The following NRXN3 variants were observed in gnomAD, a reference collection of about 807,000 sequenced individuals.
The protein encoded by NRXN3 is neurexin 3.
Under a neutral mutation model 137.6 loss-of-function variants are expected in NRXN3, and 32 were observed. That is an observed-to-expected ratio of 0.23 (90% CI 0.18 to 0.31). NRXN3 has a LOEUF of 0.31. Ranked by LOEUF, NRXN3 falls within the 10% of genes least tolerant of loss-of-function variation. The pLI is 1.00. For synonymous variants in NRXN3, 798 were observed against 784.5 expected (o/e 1.02, Z -0.29); for missense variants, 1,574 against 2,062.5 (o/e 0.76, Z 4.59).
chr14:79,742,787 A>G (rs530892957), intron 19 of NRXN3, among the ~76,000 whole-genome samples: 71 of 152,326 alleles, frequency 4.7e-4, no homozygotes, highest in African/African-American at 1.6e-3. Flanking sequence ...TGAAGTTAGT[A>G]GATTATTAAA....
chr14:78,707,727 C>A (rs890894454), intron 6 of NRXN3, among the ~76,000 whole-genome samples: 1 of 152,144 alleles, frequency 6.6e-6, no homozygotes, highest in African/African-American at 2.4e-5. Context: ...CCCCTCAAGT[C>A]CCCAAAGTCC....
chr14:79,361,996 A>AATTATT (rs3036671), intron 15 of NRXN3, among the ~76,000 whole-genome samples: 46,639 of 141,790 alleles, frequency 0.33, 7,996 homozygotes, highest in Non-Finnish European at 0.37. Flanking sequence ...CTACTTTTAT[A>AATTATT]ATTATTATTA....
intron 15 of NRXN3, among the ~76,000 whole-genome samples, chr14:78,997,220 T>C (rs2153096633): frequency 6.6e-6 from 1 of 152,242 alleles, no homozygotes; most frequent in Admixed American, 6.5e-5. Flanking sequence ...CAAGAAAAAA[T>C]AGTCTCCATA....
At chr14:78,309,407 A>G (rs532765791) in intron 4 of NRXN3, among the ~76,000 whole-genome samples, 2 of 152,020 alleles carry the variant, frequency 1.3e-5, no homozygotes, top group East Asian at 3.9e-4. Flanking sequence ...GGTAATAAGC[A>G]TTGTACCCGA....
At chr14:79,764,854 G>A (rs1242216062) in intron 19 of NRXN3, among the ~76,000 whole-genome samples, 1 of 152,154 alleles carries the variant, frequency 6.6e-6, no homozygotes, top group East Asian at 1.9e-4. Flanking sequence ...TTACCCTAGT[G>A]CATCTGCTAA....
chr14:78,972,153 A>G (rs2099444061), intron 14 of NRXN3, among the ~76,000 whole-genome samples: 1 of 152,194 alleles, frequency 6.6e-6, no homozygotes, highest in Non-Finnish European at 1.5e-5. Context: ...TGGTAAATGT[A>G]TCTTCCTATA....
chr14:78,335,309 GTT>G (rs887821882), intron 4 of NRXN3, among the ~76,000 whole-genome samples: 2 of 152,154 alleles, frequency 1.3e-5, no homozygotes, highest in Non-Finnish European at 2.9e-5. Context: ...AAAACCTCAA[GTT>G]TTACCCATTG....
chr14:79,790,104 T>C (rs902681277), intron 19 of NRXN3, among the ~76,000 whole-genome samples: 1 of 152,190 alleles, frequency 6.6e-6, no homozygotes, highest in South Asian at 2.1e-4. Flanking sequence ...TTAGTCTATG[T>C]TCTATTACTA....
At chr14:78,978,561 T>C (rs897811604) in intron 14 of NRXN3, among the ~76,000 whole-genome samples, 6 of 151,848 alleles carry the variant, frequency 4.0e-5, no homozygotes, top group Non-Finnish European at 5.9e-5. Context: ...AGAAATACTC[T>C]GAAAGCTATG....
intron 4 of NRXN3, among the ~76,000 whole-genome samples, chr14:78,580,533 C>G (rs1211082381): frequency 6.6e-6 from 1 of 152,210 alleles, no homozygotes; most frequent in Non-Finnish European, 1.5e-5. Flanking sequence ...TTCCCTCCCT[C>G]TCTCCATCAC....
At chr14:78,618,781 C>T (rs1359775354) in intron 4 of NRXN3, among the ~76,000 whole-genome samples, 2 of 152,124 alleles carry the variant, frequency 1.3e-5, no homozygotes, top group South Asian at 4.1e-4. Context: ...TTCAAGGATA[C>T]CCTGTTAGTT....
chr14:78,313,453 A>G (rs1597195558), intron 4 of NRXN3, among the ~76,000 whole-genome samples: 1 of 150,526 alleles, frequency 6.6e-6, no homozygotes, highest in East Asian at 1.9e-4. Flanking sequence ...CAGTTTCCCT[A>G]CTTTTACCTC....
chr14:78,601,620 T>C (rs2097202613), intron 4 of NRXN3, among the ~76,000 whole-genome samples: 2 of 152,038 alleles, frequency 1.3e-5, no homozygotes, highest in Admixed American at 1.3e-4. Flanking sequence ...GCCCGGCTAA[T>C]TTTTTGTATA....
chr14:78,259,264 A>G (rs2070275699), intron 2 of NRXN3, among the ~76,000 whole-genome samples: 1 of 152,214 alleles, frequency 6.6e-6, no homozygotes, highest in Non-Finnish European at 1.5e-5. Flanking sequence ...TTAGAACATC[A>G]GGTCCCATAA....
chr14:78,708,629 C>T (rs1410890422), intron 6 of NRXN3: 1 of 152,346 alleles, frequency 6.6e-6, no homozygotes, highest in Non-Finnish European at 1.5e-5. Flanking sequence ...TCCAAAGAGA[C>T]TTTATGCTTA....
intron 16 of NRXN3, among the ~76,000 whole-genome samples, chr14:79,629,893 T>A (rs1301146931): frequency 6.6e-6 from 1 of 151,958 alleles, no homozygotes; most frequent in Non-Finnish European, 1.5e-5. Flanking sequence ...CCCTTTCCCC[T>A]GATAGAAATT....
chr14:78,355,738 G>A (rs150428203), intron 4 of NRXN3, among the ~76,000 whole-genome samples: 3 of 152,258 alleles, frequency 2.0e-5, no homozygotes, highest in Non-Finnish European at 4.4e-5. Flanking sequence ...CTTTACATAC[G>A]CTGTTCCCTC....
chr14:78,305,529 G>A (rs962560518), intron 4 of NRXN3, among the ~76,000 whole-genome samples: 1 of 152,112 alleles, frequency 6.6e-6, no homozygotes, highest in Admixed American at 6.5e-5. Flanking sequence ...CAAGCTACAT[G>A]AATTTGAACA....
At chr14:79,346,286 G>T (rs1302454518) in intron 15 of NRXN3, among the ~76,000 whole-genome samples, 3 of 152,224 alleles carry the variant, frequency 2.0e-5, no homozygotes, top group East Asian at 3.9e-4. Flanking sequence ...GCTGGATGTG[G>T]TGGTGGCACC....
Sources: gnomAD v4.1 joint callset for allele counts (sites outside exome capture counted in the v4.1 genomes callset) on GRCh38, gnomAD v4.1.1 for gene constraint, MANE v1.5 for transcripts, NCBI Gene and HGNC (gene_info 2026-07-23, HGNC 2026-07-21) for gene names.